UACA: variants seen among roughly 807,000 people sequenced by gnomAD.
UACA encodes the protein uveal autoantigen with coiled-coil domains and ankyrin repeats.
In UACA, 112 loss-of-function variants were observed where a neutral mutation model predicts 160.5. The ratio of observed to expected loss-of-function variants is 0.70; its 90% CI spans 0.60 to 0.82. The LOEUF (loss-of-function observed/expected upper bound fraction) is 0.82, where lower values mean the gene tolerates loss of function less well. Ranked by LOEUF, UACA falls within the 40% of genes least tolerant of loss-of-function variation. The pLI is 0.00. For synonymous variants in UACA, 557 were observed against 568.4 expected (o/e 0.98, Z 0.29); for missense variants, 1,574 against 1,614.6 (o/e 0.97, Z 0.43).
intron 17 of UACA, chr15:70,661,144 A>C (rs541626765): frequency 6.6e-6 from 1 of 152,240 alleles, no homozygotes; most frequent in Admixed American, 6.5e-5. Context: ...AAGAGCCTCT[A>C]CTTTCCTTTC....
chr15:70,710,453 A>G (rs1241379794), intron 1 of UACA, among the ~76,000 whole-genome samples: 2 of 152,134 alleles, frequency 1.3e-5, no homozygotes, highest in Non-Finnish European at 2.9e-5. Flanking sequence ...AGCACACAAC[A>G]TCTGGGTCTC....
At chr15:70,663,777 C>A (rs1469392986) in intron 17 of UACA, among the ~76,000 whole-genome samples, 1 of 149,280 alleles carries the variant, frequency 6.7e-6, no homozygotes, top group South Asian at 2.1e-4. Flanking sequence ...CGACAAAAAA[C>A]CAAACACTGC....
At chr15:70,664,926 G>A in intron 16 of UACA, 112 bp from the exon 17 acceptor site, 2 of 920,800 alleles carry the variant, frequency 2.2e-6, no homozygotes, top group Non-Finnish European at 3.1e-6. Flanking sequence ...TTATACACCA[G>A]AAAATTGAGG....
intron 17 of UACA, chr15:70,661,581 TCAAA>T (rs1308614714): frequency 6.6e-6 from 1 of 152,054 alleles, no homozygotes; most frequent in Admixed American, 6.6e-5. Context: ...AAAAAATAAC[TCAAA>T]CAATTCTATG....
chr15:70,743,590 G>T (rs997023475), intron 1 of UACA, among the ~76,000 whole-genome samples: 3 of 152,046 alleles, frequency 2.0e-5, no homozygotes, highest in African/African-American at 7.2e-5. Context: ...TTTTTAATTG[G>T]AAAGGAAAAA....
Position 70,695,051 on chromosome 15 carries a change from T to TA in UACA, c.266dup (p.His90ThrfsTer4). 3 of 1,610,954 alleles carry TA rather than the reference T, an allele frequency of 1.9e-6. No individual in the cohort carries two copies. Among genetic ancestry groups the TA allele is most frequent in the Non-Finnish European group, 2.5e-6 (3 of 1,178,296 alleles). On this transcript the variant is annotated frameshift_variant, in exon 3 of 19. Coordinates refer to ENST00000322954, the MANE Select transcript of UACA (RefSeq NM_018003.4). LOFTEE classifies it high-confidence loss of function. Reference sequence around the variant, plus strand: ...CACTGGTTGTAATATCAACTCCATGTATAAGGATGGCATTCAAACACTCAA... The same window carrying TA: ...CACTGGTTGTAATATCAACTCCATGTAATAAGGATGGCATTCAAACACTCAA...
At chr15:70,777,642 G>A in the UACA span, among the ~76,000 whole-genome samples, 7 of 152,330 alleles carry the variant, frequency 4.6e-5, 1 homozygote, top group South Asian at 1.4e-3. Context: ...AGTGTGCTGG[G>A]TGAGGACTGA....
upstream of UACA, among the ~76,000 whole-genome samples, chr15:70,764,930 C>T (rs868637739): frequency 6.6e-5 from 10 of 152,286 alleles, no homozygotes; most frequent in South Asian, 4.1e-4. Flanking sequence ...AGCTTCCCAG[C>T]CAGTCTCCCA....
At chr15:70,707,967 C>A (rs1335033231) in intron 1 of UACA, among the ~76,000 whole-genome samples, 1 of 152,120 alleles carries the variant, frequency 6.6e-6, no homozygotes, top group East Asian at 1.9e-4. Context: ...GAGATATCTG[C>A]ATATCCATAT....
intron 1 of UACA, among the ~76,000 whole-genome samples, chr15:70,759,996 CTGCTGT>C (rs1446102895): frequency 6.6e-6 from 1 of 152,206 alleles, no homozygotes; most frequent in Non-Finnish European, 1.5e-5. Context: ...CCTCAGTCTA[CTGCTGT>C]GTCTTCTTCA....
At chr15:70,752,652 TA>T (rs958895270) in intron 1 of UACA, among the ~76,000 whole-genome samples, 1 of 151,962 alleles carries the variant, frequency 6.6e-6, no homozygotes, top group African/African-American at 2.4e-5. Context: ...ATTTTTTTTT[TA>T]AAATGATTTG....
At chr15:70,695,129 T>C in intron 2 of UACA, 24 bp from the exon 3 acceptor site, 1 of 1,552,642 alleles carries the variant, frequency 6.4e-7, no homozygotes, top group Non-Finnish European at 8.7e-7. Flanking sequence ...AAATATTTGT[T>C]GTGCTAAGGA....
chr15:70,660,708 A>G (rs746485541), intron 17 of UACA: 5 of 152,694 alleles, frequency 3.3e-5, no homozygotes, highest in Non-Finnish European at 7.3e-5. Flanking sequence ...TTCAAACATT[A>G]ACTTTCAAAT....
At position 70,656,287 on chromosome 15, in the gene UACA, C is replaced by G. The variant is rs756112019; in HGVS notation, c.*769G>C. The stretch of plus-strand genomic sequence containing the variant: ...GCTAAAAAAAGTCTAAAGGTTTTCA[C>G]ACTTTGAAAAATCTAGTATATCATC... On this transcript the variant is annotated 3_prime_UTR_variant, in exon 19 of 19. Transcript: ENST00000322954. 2 of 152,008 alleles carry G rather than the reference C, an allele frequency of 1.3e-5. No homozygotes were observed. The highest frequency in any genetic ancestry group is 2.9e-5 in the Non-Finnish European group (2 of 68,012). 9.4% of individuals were successfully genotyped at this position (152,008 alleles called of 1,614,324 possible).
chr15:70,750,237 C>A (rs1223410921), intron 1 of UACA, among the ~76,000 whole-genome samples: 1 of 152,196 alleles, frequency 6.6e-6, no homozygotes, highest in Admixed American at 6.5e-5. Context: ...AATCCATCCT[C>A]AACAGAGCTA....
intron 18 of UACA, among the ~76,000 whole-genome samples, chr15:70,658,673 T>C (rs561992947): frequency 6.6e-6 from 1 of 152,290 alleles, no homozygotes; most frequent in South Asian, 2.1e-4. Flanking sequence ...CAACTCAATA[T>C]GGTGGGCTTA....
the UACA span, among the ~76,000 whole-genome samples, chr15:70,775,685 T>C: frequency 5.9e-5 from 9 of 152,308 alleles, 1 homozygote; most frequent in African/African-American, 1.7e-4. Flanking sequence ...GATATTAAAA[T>C]GAACATTAAA....
At chr15:70,674,840 C>T (rs1377786287) in intron 13 of UACA, among the ~76,000 whole-genome samples, 1 of 152,192 alleles carries the variant, frequency 6.6e-6, no homozygotes, top group Non-Finnish European at 1.5e-5. Flanking sequence ...TTAAGTGATC[C>T]ACCCACCTTG....
chr15:70,724,016 G>A (rs899226678), intron 1 of UACA, among the ~76,000 whole-genome samples: 2 of 152,084 alleles, frequency 1.3e-5, no homozygotes, highest in East Asian at 1.9e-4. Context: ...TCTCTACTTC[G>A]TACACTTATT....
Sources: allele counts gnomAD v4.1 joint callset (sites outside exome capture counted in the v4.1 genomes callset), GRCh38; gene constraint gnomAD v4.1.1; transcripts MANE v1.5; gene names NCBI Gene and HGNC (gene_info 2026-07-23, HGNC 2026-07-21).